The following CLEC16A variants were observed in gnomAD, a reference collection of about 807,000 sequenced individuals.
CLEC16A encodes the protein protein CLEC16A.
CLEC16A carries 51 observed loss-of-function variants against 109.5 expected under a neutral mutation model. The observed-to-expected ratio is 0.47, with a 90% CI of 0.37 to 0.59. The LOEUF (loss-of-function observed/expected upper bound fraction) is 0.59. Among genes scored for constraint, CLEC16A ranks in the 20% least tolerant of loss-of-function variants. CLEC16A has a pLI of 0.00. For missense variants in CLEC16A, 1,339 were observed against 1,394.0 expected, an observed-to-expected ratio of 0.96 and a Z score of 0.63; for synonymous variants, 673 against 564.2, an observed-to-expected ratio of 1.19 and a Z score of -2.73.
chr16:11,130,540 A>G (rs1372943776), intron 22 of CLEC16A, among the ~76,000 whole-genome samples: 1 of 152,152 alleles, frequency 6.6e-6, no homozygotes, highest in African/African-American at 2.4e-5. Flanking sequence ...CCTCCTACTC[A>G]GAGTTTTACA....
intron 1 of CLEC16A, 69 bp downstream of exon 1, chr16:10,944,866 G>A: frequency 9.8e-6 from 14 of 1,431,624 alleles, no homozygotes; most frequent in Non-Finnish European, 1.2e-5. Flanking sequence ...GCTCCGGGTC[G>A]GGGCTCTAGG....
In CLEC16A at chr16:11,130,433, A is replaced by C. The variant is rs139104425; in HGVS notation, c.2641+4287A>C. ...GACCTTAAGCAGCATCCCTCGGCTA[A>C]ATTTCTGTCACCAAGCGAGCAAGAT... On this transcript the variant is annotated intron_variant, in intron 22 of 23. Coordinates refer to ENST00000409790, the MANE Select transcript of CLEC16A (RefSeq NM_015226.3). 1.3e-3 allele frequency among the ~76,000 whole-genome samples: 192 copies of C among 152,302 alleles called. 6 individuals carry two copies. The East Asian group carries it at 0.031, about 25-fold the overall frequency.
chr16:10,994,500 G>A (rs144230990), intron 10 of CLEC16A, among the ~76,000 whole-genome samples: 1 of 152,160 alleles, frequency 6.6e-6, no homozygotes, highest in East Asian at 1.9e-4. Context: ...CTACAGTGCT[G>A]TTGGTTACAG....
chr16:11,050,536 A>C (rs1351075170), intron 17 of CLEC16A, among the ~76,000 whole-genome samples: 2 of 152,254 alleles, frequency 1.3e-5, no homozygotes, highest in African/African-American at 4.8e-5. Context: ...CTGTGAAGCC[A>C]GGGAAATGAA....
intron 20 of CLEC16A, among the ~76,000 whole-genome samples, chr16:11,121,133 A>G (rs1171698508): frequency 5.9e-5 from 9 of 152,208 alleles, no homozygotes; most frequent in Admixed American, 4.6e-4. Context: ...TGTGTTTTTT[A>G]TGATATCACA....
chr16:10,967,811 G>A (rs144019272), intron 3 of CLEC16A, among the ~76,000 whole-genome samples: 2,898 of 152,308 alleles, frequency 0.019, 22 homozygotes, highest in Middle Eastern at 0.048. Flanking sequence ...GGGGCGAGAT[G>A]TGGACACAAG....
chr16:11,169,004 C>T (rs983350988), intron 23 of CLEC16A, among the ~76,000 whole-genome samples: 1 of 152,240 alleles, frequency 6.6e-6, no homozygotes, highest in African/African-American at 2.4e-5. Flanking sequence ...GAGGGCCAGC[C>T]AGGCAGCGGG....
chr16:11,086,234 G>A (rs538246004), intron 19 of CLEC16A, among the ~76,000 whole-genome samples: 10 of 152,312 alleles, frequency 6.6e-5, no homozygotes, highest in African/African-American at 2.2e-4. Context: ...TGGGCTGACA[G>A]TGGAGGCCAT....
chr16:10,958,423 A>G (rs2042093839), intron 2 of CLEC16A, among the ~76,000 whole-genome samples: 2 of 152,192 alleles, frequency 1.3e-5, no homozygotes, highest in South Asian at 4.1e-4. Flanking sequence ...TGACACACCC[A>G]GAATCAGTGA....
chr16:11,106,030 A>G (rs2051198925), intron 19 of CLEC16A, among the ~76,000 whole-genome samples: 1 of 152,230 alleles, frequency 6.6e-6, no homozygotes, highest in Non-Finnish European at 1.5e-5. Context: ...TCACAATGAT[A>G]GGATCCTGTA....
rs2068853766 is a variant in CLEC16A, at chr16:11,178,567, T to G, written c.3039T>G (p.Val1013=). The change falls in exon 24 of 24, where the codon GTT becomes GTG. Residue 1013 remains valine (V), a synonymous_variant. Coordinates refer to ENST00000409790, the MANE Select transcript of CLEC16A (RefSeq NM_015226.3). This position sits in a 1 kb window ranked among gnomAD's most constrained non-coding sequence, Gnocchi z 6.5. Reference sequence around the variant, plus strand: ...AATCGCTGACCCTTGTCCCCCCAGTTGACCCCCACAGCCTCCGCAGCCTCA... The same window carrying G: ...AATCGCTGACCCTTGTCCCCCCAGTGGACCCCCACAGCCTCCGCAGCCTCA... ...SVESLTLVPP[V]DPHSLRSLTG... is the part of the protein sequence containing the mutation. The G allele has an allele frequency of 1.2e-6, 2 of 1,611,848 alleles. No individual in the cohort carries two copies. The highest frequency in any genetic ancestry group is 2.7e-5 in the African/African-American group (2 of 74,916).
intron 11 of CLEC16A, among the ~76,000 whole-genome samples, chr16:11,016,321 A>C: frequency 6.6e-6 from 1 of 150,578 alleles, no homozygotes. Flanking sequence ...AGCAGTCTGC[A>C]CCACGTTCGA....
In CLEC16A at chr16:11,126,081, G is replaced by A; in HGVS notation, c.2576G>A (p.Gly859Glu). ...QHLPFRFYDQ[G>E]RRGSSDPTVQ... ...CTGCCTTTCCGCTTCTACGACCAGG[G>A]GCGCCGGGGCAGCAGCGACCCCACA... is the stretch of plus-strand genomic sequence containing the variant. The change falls in exon 22 of 24, where the codon GGG becomes GAG. Residue 859 changes from glycine to glutamate, a missense_variant. Transcript: ENST00000409790. 1 of 1,613,892 alleles carries A rather than the reference G, an allele frequency of 6.2e-7. No individual in the cohort carries two copies. Among genetic ancestry groups the A allele is most frequent in the Non-Finnish European group, 8.5e-7 (1 of 1,179,876 alleles).
chr16:11,008,795 C>G (rs975702380), intron 11 of CLEC16A, among the ~76,000 whole-genome samples: 2 of 148,630 alleles, frequency 1.3e-5, no homozygotes, highest in African/African-American at 5.0e-5. Context: ...TCGAGACCCT[C>G]CTGGCCAACA....
chr16:10,958,636 G>T (rs2042104948), intron 2 of CLEC16A, among the ~76,000 whole-genome samples: 1 of 152,244 alleles, frequency 6.6e-6, no homozygotes, highest in South Asian at 2.1e-4. Context: ...AGGCGCGGTG[G>T]CTCACACCTG....
intron 16 of CLEC16A, among the ~76,000 whole-genome samples, chr16:11,046,407 G>C (rs1357758983): frequency 4.6e-5 from 7 of 152,044 alleles, no homozygotes; most frequent in Admixed American, 2.6e-4. Context: ...TTCAAATTTA[G>C]TTGTAGTTCT....
rs1459374274 is a variant in CLEC16A at position 11,002,023 on chromosome 16, T to C, written c.1072-1051T>C. Among the ~76,000 whole-genome samples the C allele has an allele frequency of 3.3e-5, 5 of 152,318 alleles. No individual in the cohort carries two copies. The South Asian group carries it at 1.0e-3, about 32-fold the overall frequency. On this transcript the variant is annotated intron_variant, in intron 10 of 23. Coordinates refer to ENST00000409790, the MANE Select transcript of CLEC16A (RefSeq NM_015226.3). ...GATAGTTTTGTTTAAAATGAACTTA[T>C]TTGGGTTAAAATTAATAATAATATC...
chr16:11,147,324 CA>C (rs2054106948), intron 22 of CLEC16A, among the ~76,000 whole-genome samples: 1 of 152,206 alleles, frequency 6.6e-6, no homozygotes, highest in Non-Finnish European at 1.5e-5. Context: ...TGACTACTCG[CA>C]TCATTAGTAC....
intron 15 of CLEC16A, among the ~76,000 whole-genome samples, chr16:11,042,869 A>G (rs1314469090): frequency 6.7e-6 from 1 of 150,244 alleles, no homozygotes; most frequent in East Asian, 1.9e-4. Flanking sequence ...CATATTATAT[A>G]TGTAAATAAT....
Sources: allele counts gnomAD v4.1 joint callset (sites outside exome capture counted in the v4.1 genomes callset), GRCh38; gene constraint gnomAD v4.1.1; non-coding constraint Gnocchi (gnomAD v3.1); transcripts MANE v1.5; gene names NCBI Gene and HGNC (gene_info 2026-07-23, HGNC 2026-07-21).